Variants in TRAF3 observed in about 807,000 individuals in gnomAD.
TRAF3 encodes TNF receptor-associated factor 3.
A neutral mutation model predicts 62.3 loss-of-function variants in TRAF3; 13 were observed. The ratio of observed to expected loss-of-function variants is 0.21; its 90% CI spans 0.14 to 0.33. The LOEUF (loss-of-function observed/expected upper bound fraction) is 0.33, where lower values mean the gene tolerates loss of function less well. TRAF3 is among the 10% of genes least tolerant of loss of function. The probability of loss-of-function intolerance (pLI) is 1.00; values close to 1 mark genes in which losing one functional copy is unlikely to be tolerated. For missense variants in TRAF3, 440 were observed against 741.8 expected (o/e 0.59, Z 4.73); for synonymous variants, 269 against 283.4 (o/e 0.95, Z 0.51).
chr14:102,888,624 A>G (rs1354668840), intron 7 of TRAF3, among the ~76,000 whole-genome samples: 3 of 152,164 alleles, frequency 2.0e-5, no homozygotes, highest in African/African-American at 7.2e-5. Context: ...TGCTGCACCC[A>G]CACACCCATC....
intron 1 of TRAF3, among the ~76,000 whole-genome samples, chr14:102,798,634 T>G (rs1017645447): frequency 3.5e-4 from 53 of 152,110 alleles, no homozygotes; most frequent in Non-Finnish European, 2.9e-4. Context: ...AGCGAGACCC[T>G]GTCTCAAAAA....
rs1002625465 is a variant in TRAF3, at chr14:102,831,749, C to CT, written c.-18+1286dup. ...TCAGTTCTTAGAGGGTTTGTTTTCC[C>CT]TTTTTTTTTGGCCTGGGATTTTGAG... is the stretch of plus-strand genomic sequence containing the variant. On this transcript the variant is annotated intron_variant, in intron 2 of 11. Transcript: ENST00000392745. 1.7e-4 allele frequency among the ~76,000 whole-genome samples: 25 copies of CT among 150,950 alleles called. No individual in the cohort carries two copies. The East Asian group carries it at 1.9e-3, about 12-fold the overall frequency.
intron 1 of TRAF3, among the ~76,000 whole-genome samples, chr14:102,789,233 G>T (rs1490679243): frequency 6.6e-6 from 1 of 152,134 alleles, no homozygotes; most frequent in Non-Finnish European, 1.5e-5. Flanking sequence ...TCCATTGTAT[G>T]TACATACATG....
At chr14:102,832,167 G>A (rs1295352843) in intron 2 of TRAF3, among the ~76,000 whole-genome samples, 1 of 152,118 alleles carries the variant, frequency 6.6e-6, no homozygotes, top group East Asian at 1.9e-4. Context: ...ATATATTATG[G>A]AATGGTTAAG....
rs1307175842 is a variant in TRAF3 at position 102,907,041 on chromosome 14, T to C, written c.*1257T>C. 1 of 152,244 alleles carries C rather than the reference T, an allele frequency of 6.6e-6. No homozygotes were observed. The highest frequency in any genetic ancestry group is 6.5e-5 in the Admixed American group (1 of 15,288). The allele number at this position is 152,244 out of a possible 1,614,324, so 9.4% of individuals were successfully genotyped here. On this transcript the variant is annotated 3_prime_UTR_variant, in exon 12 of 12. Transcript: ENST00000392745. The stretch of plus-strand genomic sequence containing the variant: ...GGCCCTCAGACACCTCTGCACCTGC[T>C]GAGGGGAAGCCAGGCTCCACCGTCG...
rs115254611 is a variant in TRAF3 at position 102,825,149 on chromosome 14, G to A, written c.-156-5185G>A. The stretch of plus-strand genomic sequence containing the variant: ...GCCCACGCTGTGAGGACACCGGGCC[G>A]TGCCTTCGCCAGGAGGAGGTCATGC... On this transcript the variant is annotated intron_variant, in intron 1 of 11. Coordinates refer to ENST00000392745, the MANE Select transcript of TRAF3 (RefSeq NM_145725.3). 3.5e-3 allele frequency among the ~76,000 whole-genome samples: 528 copies of A among 152,330 alleles called. 3 individuals are homozygous for A. Among genetic ancestry groups the A allele is most frequent in the African/African-American group, 0.011 (468 of 41,572 alleles).
chr14:102,900,569 T>C (rs1890243715), intron 10 of TRAF3, among the ~76,000 whole-genome samples: 1 of 152,182 alleles, frequency 6.6e-6, no homozygotes, highest in East Asian at 1.9e-4. Context: ...CTAGATGAAC[T>C]GGTGGTTCTT....
intron 9 of TRAF3, 109 bp downstream of exon 9, chr14:102,891,526 C>G (rs542796797): frequency 9.2e-6 from 11 of 1,192,352 alleles, no homozygotes; most frequent in Non-Finnish European, 1.3e-5. Context: ...AAGAAACTAT[C>G]AAGAGAATGT....
chr14:102,886,310 C>T (rs749120286), intron 7 of TRAF3, 41 bp downstream of exon 7: 3 of 1,554,984 alleles, frequency 1.9e-6, no homozygotes, highest in Non-Finnish European at 8.8e-7. Context: ...GTGGAGTCCT[C>T]AGGGCTGCGT....
Position 102,897,392 on chromosome 14 carries a change from T to C in TRAF3, c.951T>C (p.Leu317=). The stretch of plus-strand genomic sequence containing the variant: ...TTCGAAATAATGAATCCAAAATCCT[T>C]CATTTACAGGTAAGAATCTTAGGAC... ...EMLRNNESKI[L]HLQRVIDSQA... Residue 317 remains leucine (L), a synonymous_variant, in exon 10 of 12, where the codon CTT becomes CTC. Transcript: ENST00000392745. 6.2e-7 allele frequency: 1 copy of C among 1,613,816 alleles called. No individual in the cohort carries two copies. The highest frequency in any genetic ancestry group is 8.5e-7 in the Non-Finnish European group (1 of 1,179,864).
chr14:102,893,262 C>A (rs906523916), intron 9 of TRAF3, among the ~76,000 whole-genome samples: 2 of 151,100 alleles, frequency 1.3e-5, no homozygotes, highest in Non-Finnish European at 3.0e-5. Context: ...TAGTGGCAGG[C>A]GCCTATAGTC....
chr14:102,903,041 C>T lies in TRAF3; in HGVS notation c.961-214C>T, dbSNP rs780114130. 1.1e-3 allele frequency: 761 copies of T among 663,572 alleles called. 3 individuals are homozygous for T. Among genetic ancestry groups the T allele is most frequent in the Non-Finnish European group, 1.8e-3 (654 of 368,478 alleles). 41.1% of individuals were successfully genotyped at this position (663,572 alleles called of 1,614,324 possible). A position where few individuals can be genotyped will look rare whatever the true frequency, so the allele number is the denominator to read the frequency against. ...TCTTCCATGTGGCTTCATGTCACCTCGAGTGCTCCCTGCCGGCACAAGCAC... is the reference window on the plus strand; with the variant it reads ...TCTTCCATGTGGCTTCATGTCACCTTGAGTGCTCCCTGCCGGCACAAGCAC... On this transcript the variant is annotated intron_variant, in intron 10 of 11. Coordinates refer to ENST00000392745, the MANE Select transcript of TRAF3 (RefSeq NM_145725.3). This position sits in a 1 kb window ranked among gnomAD's most constrained non-coding sequence, Gnocchi z 6.4.
chr14:102,797,747 T>C (rs1350026523), intron 1 of TRAF3, among the ~76,000 whole-genome samples: 2 of 151,904 alleles, frequency 1.3e-5, no homozygotes, highest in Non-Finnish European at 2.9e-5. Context: ...TTCTTTTTTT[T>C]TTTTTTGAGA....
At chr14:102,871,826 C>A in intron 3 of TRAF3, 91 bp from the exon 4 acceptor site, 4 of 1,240,744 alleles carry the variant, frequency 3.2e-6, no homozygotes, top group South Asian at 1.2e-5. Flanking sequence ...ACTGTGCAGA[C>A]CTGACCATAA....
chr14:102,788,518 G>T (rs968329551), intron 1 of TRAF3, among the ~76,000 whole-genome samples: 1 of 152,068 alleles, frequency 6.6e-6, no homozygotes, highest in Non-Finnish European at 1.5e-5. Context: ...GAATTAGCTT[G>T]GTTGGGTGTG....
chr14:102,895,551 G>C (rs1010854302), intron 9 of TRAF3, among the ~76,000 whole-genome samples: 2 of 152,178 alleles, frequency 1.3e-5, no homozygotes, highest in African/African-American at 2.4e-5. Flanking sequence ...GTTTTAGAGC[G>C]TACATCGTTG....
rs1196741388 is a variant in TRAF3, at chr14:102,907,006, T to A, written c.*1222T>A. 6.6e-6 allele frequency: 1 copy of A among 152,220 alleles called. No individual in the cohort carries two copies. The highest frequency in any genetic ancestry group is 1.5e-5 in the Non-Finnish European group (1 of 68,038). 9.4% of individuals were successfully genotyped at this position (152,220 alleles called of 1,614,324 possible). ...TTTTCTCTCCACCACTAGATCTTTGTCTCTACAAGGGCCCTCAGACACCTC... is the reference window on the plus strand; with the variant it reads ...TTTTCTCTCCACCACTAGATCTTTGACTCTACAAGGGCCCTCAGACACCTC... On this transcript the variant is annotated 3_prime_UTR_variant, in exon 12 of 12. Transcript: ENST00000392745.
At chr14:102,786,622 G>A (rs1388152738) in intron 1 of TRAF3, among the ~76,000 whole-genome samples, 1 of 152,148 alleles carries the variant, frequency 6.6e-6, no homozygotes, top group Non-Finnish European at 1.5e-5. Flanking sequence ...GGGAGGCAGA[G>A]GTTGCAGTGA....
chr14:102,819,240 G>T (rs1303741863), intron 1 of TRAF3, among the ~76,000 whole-genome samples: 1 of 151,772 alleles, frequency 6.6e-6, no homozygotes, highest in African/African-American at 2.4e-5. Context: ...CCTGTTCCTT[G>T]GGTAGCTTCC....
Sources: allele counts gnomAD v4.1 joint callset (sites outside exome capture counted in the v4.1 genomes callset), GRCh38; gene constraint gnomAD v4.1.1; non-coding constraint Gnocchi (gnomAD v3.1); transcripts MANE v1.5; gene names NCBI Gene and HGNC (gene_info 2026-07-23, HGNC 2026-07-21).